Variants in DNAH10 observed in about 807,000 individuals in gnomAD.
The protein encoded by DNAH10 is dynein axonemal heavy chain 10.
DNAH10 carries 348 observed loss-of-function variants against 506.6 expected under a neutral mutation model. That is an observed-to-expected ratio of 0.69 (90% confidence interval 0.63 to 0.75). DNAH10 has a LOEUF of 0.75. Among genes scored for constraint, DNAH10 ranks in the 30% least tolerant of loss-of-function variants. DNAH10 has a pLI of 0.00. For missense variants in DNAH10, 5,179 were observed against 5,787.1 expected (o/e 0.89, Z 3.41); for synonymous variants, 2,059 against 2,198.6 (o/e 0.94, Z 1.78).
chr12:123,810,562 G>A (rs749414567), intron 19 of DNAH10, among the ~76,000 whole-genome samples: 5 of 152,134 alleles, frequency 3.3e-5, no homozygotes, highest in South Asian at 4.2e-4. Flanking sequence ...GCGTGGTGGC[G>A]GGCGCCTGTG....
At position 123,897,923 on chromosome 12, in the gene DNAH10, A is replaced by T; in HGVS notation, c.9434A>T (p.Asn3145Ile). 1 of 1,601,896 alleles carries T rather than the reference A, an allele frequency of 6.2e-7. No homozygotes were observed. The highest frequency in any genetic ancestry group is 1.3e-5 in the African/African-American group (1 of 74,210). The change falls in exon 55 of 79, where the codon AAC becomes ATC. Residue 3145 changes from asparagine (N) to isoleucine (I), a missense_variant. Physicochemically the swap from Asn to Ile is moderately radical, Grantham distance 149. Coordinates refer to ENST00000673944, the MANE Select transcript of DNAH10 (RefSeq NM_001372106.1). ...VTPKNYLDFI[N>I]TYSKLLDEKT... ...CCCAAGAACTACCTTGATTTTATTAACACCTATTCAAAATTGCTGGATGAG... is the reference window on the plus strand; with the variant it reads ...CCCAAGAACTACCTTGATTTTATTATCACCTATTCAAAATTGCTGGATGAG...
At chr12:123,889,868 A>G (rs1952899884) in intron 52 of DNAH10, among the ~76,000 whole-genome samples, 1 of 152,098 alleles carries the variant, frequency 6.6e-6, no homozygotes, top group South Asian at 2.1e-4. Flanking sequence ...GTCTCTTCCA[A>G]CTGCTTCAGG....
intron 39 of DNAH10, among the ~76,000 whole-genome samples, chr12:123,864,148 T>TC (rs1429544273): frequency 1.1e-4 from 15 of 141,172 alleles, no homozygotes; most frequent in South Asian, 2.3e-4. Flanking sequence ...TTTTTCTTTT[T>TC]TTTTTTTTTT....
chr12:123,837,203 G>A (rs1473988497), intron 28 of DNAH10, among the ~76,000 whole-genome samples: 3 of 151,108 alleles, frequency 2.0e-5, no homozygotes, highest in African/African-American at 7.3e-5. Context: ...AATTAGCCAG[G>A]CATGGTGGTG....
intron 17 of DNAH10, 30 bp from the exon 18 acceptor site, chr12:123,804,803 G>C (rs369914853): frequency 5.5e-5 from 88 of 1,592,840 alleles, no homozygotes; most frequent in Non-Finnish European, 7.1e-5. Context: ...TGTGTTCGTG[G>C]ACAGCTCTAA....
In DNAH10 at chr12:123,870,299, T is replaced by C. The variant is rs996750415; in HGVS notation, c.7520-67T>C. On this transcript the variant is annotated intron_variant, in intron 43 of 78. Coordinates refer to ENST00000673944, the MANE Select transcript of DNAH10 (RefSeq NM_001372106.1). The stretch of plus-strand genomic sequence containing the variant: ...AAGCAACATTAGTTCATTTCAAGCA[T>C]GTGCCAGAACTGCTTTTGTATTTCC... 3.8e-6 allele frequency: 6 copies of C among 1,559,252 alleles called. No homozygotes were observed. In the African/African-American group the frequency reaches 8.1e-5, roughly 21 times the overall value.
chr12:123,807,887 A>T (rs1335025888), intron 18 of DNAH10, among the ~76,000 whole-genome samples: 1 of 7,912 alleles, frequency 1.3e-4, no homozygotes, highest in Non-Finnish European at 2.6e-4. Flanking sequence ...GAAGAGGGAG[A>T]GAGAGGTGAA....
In DNAH10 at chr12:123,853,127, A is replaced by G. The variant is rs552393049; in HGVS notation, c.6292-79A>G. The G allele has an allele frequency of 9.4e-6, 13 of 1,382,036 alleles. No homozygotes were observed. Among genetic ancestry groups the G allele is most frequent in the Non-Finnish European group, 1.1e-5 (12 of 1,053,324 alleles). The allele number at this position is 1,382,036 out of a possible 1,614,324, so 85.6% of individuals were successfully genotyped here. A position where few individuals can be genotyped will look rare whatever the true frequency, so the allele number is the denominator to read the frequency against. ...GGAACACCTGCCCCCGTTTTCTTGC[A>G]TTTGTAGAATGATGCTCCATTGCTT... On this transcript the variant is annotated intron_variant, in intron 35 of 78. Coordinates refer to ENST00000673944, the MANE Select transcript of DNAH10 (RefSeq NM_001372106.1). The surrounding 1 kb of genome is among the most constrained non-coding windows in gnomAD (Gnocchi z 4.7).
At chr12:123,880,279 T>G (rs181943225) in intron 50 of DNAH10, among the ~76,000 whole-genome samples, 6 of 152,284 alleles carry the variant, frequency 3.9e-5, no homozygotes, top group Admixed American at 3.3e-4. Flanking sequence ...ATTCTTAATC[T>G]CCTCTGGACA....
chr12:123,896,679 T>A (rs1467969466), intron 54 of DNAH10, among the ~76,000 whole-genome samples: 2 of 128,294 alleles, frequency 1.6e-5, no homozygotes, highest in Admixed American at 8.9e-5. Flanking sequence ...TTCCTAACAG[T>A]AGGGAAGGAA....
chr12:123,799,204 ATTTTC>A, intron 13 of DNAH10, 37 bp from the exon 14 acceptor site: 3 of 1,409,826 alleles, frequency 2.1e-6, no homozygotes, highest in South Asian at 3.4e-5. Context: ...GAAAAATGTT[ATTTTC>A]AAGGACAAAA....
At position 123,917,017 on chromosome 12, in the gene DNAH10, T is replaced by TA. The variant is rs1476662176; in HGVS notation, c.11002+282dup. Among the ~76,000 whole-genome samples the TA allele has an allele frequency of 6.6e-6, 1 of 152,348 alleles. No homozygotes were observed. Among genetic ancestry groups the TA allele is most frequent in the Non-Finnish European group, 1.5e-5 (1 of 68,034 alleles). On this transcript the variant is annotated intron_variant, in intron 63 of 78. Coordinates refer to ENST00000673944, the MANE Select transcript of DNAH10 (RefSeq NM_001372106.1). This position sits in a 1 kb window ranked among gnomAD's most constrained non-coding sequence, Gnocchi z 5.6. ...ACTGTGGGGGCAGGAAGTTACTCTA[T>TA]ATTCGTGTATTTAAAATACATGTTG...
chr12:123,813,363 G>T lies in DNAH10; in HGVS notation c.3344G>T (p.Arg1115Leu). The change falls in exon 20 of 79, where the codon CGA becomes CTA. Residue 1115 changes from arginine to leucine, a missense_variant. Transcript: ENST00000673944. ...MKYLQKWKRY[R>L]PLWKLDKAIV... Reference sequence around the variant, plus strand: ...TATCTACAAAAATGGAAGCGGTATCGACCTCTCTGGAAATTGGACAAAGCT... The same window carrying T: ...TATCTACAAAAATGGAAGCGGTATCTACCTCTCTGGAAATTGGACAAAGCT... The T allele has an allele frequency of 6.2e-7, 1 of 1,614,194 alleles. No homozygotes were observed. The highest frequency in any genetic ancestry group is 1.1e-5 in the South Asian group (1 of 91,074).
intron 56 of DNAH10, among the ~76,000 whole-genome samples, chr12:123,900,299 A>G (rs1953461590): frequency 6.6e-6 from 1 of 152,206 alleles, no homozygotes; most frequent in Non-Finnish European, 1.5e-5. Flanking sequence ...CTAGACTGGA[A>G]GTGTCTTGAA....
chr12:123,790,151 G>T, intron 11 of DNAH10, 30 bp downstream of exon 11: 6 of 1,600,382 alleles, frequency 3.7e-6, no homozygotes, highest in Non-Finnish European at 5.1e-6. Context: ...AGTCCATCTT[G>T]GGAGTCGACA....
chr12:123,873,841 G>C (rs1032134981), intron 46 of DNAH10, 131 bp downstream of exon 46: 2 of 1,234,316 alleles, frequency 1.6e-6, no homozygotes, highest in Admixed American at 6.7e-5. Flanking sequence ...CAGGGTACAG[G>C]CTGCGGGGAG....
rs867209113 is a variant in DNAH10, at chr12:123,910,640, G to A, written c.10102G>A (p.Val3368Ile). ...TGAAGCTGTAATGGGCTACTGTGAT[G>A]TTTTCAGAGAAATCAAGCCCAAAAG... is the stretch of plus-strand genomic sequence containing the variant. ...FVEAVMGYCDVFREIKPKREK... is the reference protein window; with the variant it reads ...FVEAVMGYCDIFREIKPKREK... The change falls in exon 59 of 79, where the codon GTT becomes ATT. Residue 3368 changes from valine to isoleucine, a missense_variant. This residue lies in a region of DNAH10 where 4,844 missense variants were observed against 5,430.5 expected (regional missense o/e 0.89). Transcript: ENST00000673944. 5 of 1,611,196 alleles carry A rather than the reference G, an allele frequency of 3.1e-6. No homozygotes were observed. The African/African-American group carries it at 6.9e-5, about 22-fold the overall frequency.
intron 19 of DNAH10, among the ~76,000 whole-genome samples, chr12:123,810,792 T>A (rs138162502): frequency 1.3e-5 from 2 of 152,326 alleles, no homozygotes; most frequent in East Asian, 3.9e-4. Flanking sequence ...ATAGGTGCTG[T>A]ATGTTATAGG....
Position 123,918,932 on chromosome 12 carries a change from A to G in DNAH10, c.11489A>G (p.Tyr3830Cys). 2 of 1,612,702 alleles carry G rather than the reference A, an allele frequency of 1.2e-6. No individual in the cohort carries two copies. The highest frequency in any genetic ancestry group is 1.1e-5 in the South Asian group (1 of 90,896). The change falls in exon 65 of 79, where the codon TAT (tyrosine) becomes TGT (cysteine). Residue 3830 changes from tyrosine to cysteine, a missense_variant. Physicochemically the swap from Tyr to Cys is radical, Grantham distance 194 (BLOSUM62 -2). Transcript: ENST00000673944. ...ATGGACACGCTGACCTTCAGCATCT[A>G]TAACCACGGCTGCACAGGTGAGCTC... is the stretch of plus-strand genomic sequence containing the variant. Reference protein sequence around the residue: ...NIMDTLTFSIYNHGCTGLFER... With the variant: ...NIMDTLTFSICNHGCTGLFER...
Sources: allele counts gnomAD v4.1 joint callset (sites outside exome capture counted in the v4.1 genomes callset), GRCh38; gene constraint gnomAD v4.1.1; regional missense constraint gnomAD v4.1.1; non-coding constraint Gnocchi (gnomAD v3.1); transcripts MANE v1.5; gene names NCBI Gene and HGNC (gene_info 2026-07-23, HGNC 2026-07-21).